INO80C: variants seen among roughly 807,000 people sequenced by gnomAD.
INO80C encodes the protein INO80 complex subunit C.
INO80C carries 17 observed loss-of-function variants against 17.7 expected under a neutral mutation model. The observed-to-expected ratio is 0.96, with a 90% CI of 0.66 to 1.44. The LOEUF is 1.44. Among genes scored for constraint, INO80C ranks in the 40% most tolerant of loss-of-function variants. The probability of loss-of-function intolerance (pLI) is 0.00; values close to 1 mark genes in which losing one functional copy is unlikely to be tolerated. For missense variants in INO80C, 244 were observed against 245.0 expected (o/e 1.00, Z 0.03); for synonymous variants, 96 against 95.8 (o/e 1.00, Z -0.01).
intron 1 of INO80C, among the ~76,000 whole-genome samples, chr18:35,495,399 A>C (rs770486989): frequency 2.6e-5 from 4 of 152,318 alleles, no homozygotes; most frequent in Admixed American, 6.5e-5. Context: ...GGGTGACAGA[A>C]GAAGACCCTG....
At chr18:35,472,447 G>T (rs1428340594) in intron 4 of INO80C, among the ~76,000 whole-genome samples, 1 of 152,096 alleles carries the variant, frequency 6.6e-6, no homozygotes. Context: ...TTTTGATGGG[G>T]TTGTTTTTTT....
rs2045786115 is a variant in INO80C at position 35,479,993 on chromosome 18, A to C, written c.267+460T>G. The stretch of plus-strand genomic sequence containing the variant: ...GTATTTCCAAAACTAATTCATTAAA[A>C]AAAAATTTAACAGTATAATCTGAAC... On this transcript the variant is annotated intron_variant, in intron 2 of 4. Transcript: ENST00000334598. 4.6e-5 allele frequency among the ~76,000 whole-genome samples: 7 copies of C among 152,332 alleles called. No homozygotes were observed. In the South Asian group the frequency reaches 1.4e-3, roughly 32 times the overall value.
chr18:35,491,396 C>T lies in INO80C; in HGVS notation c.156+6323G>A, dbSNP rs116580868. Among the ~76,000 whole-genome samples the T allele has an allele frequency of 5.2e-3, 791 of 152,254 alleles. 5 individuals carry two copies. The highest frequency in any genetic ancestry group is 0.019 in the African/African-American group (771 of 41,540). ...AAGCACTGGTTTTTGAAAGGGACCCCTCCTGCCGGCTTGCTCACTCCATCC... is the reference window on the plus strand; with the variant it reads ...AAGCACTGGTTTTTGAAAGGGACCCTTCCTGCCGGCTTGCTCACTCCATCC... On this transcript the variant is annotated intron_variant, in intron 1 of 4. Coordinates refer to ENST00000334598, the MANE Select transcript of INO80C (RefSeq NM_194281.4).
chr18:35,474,222 T>TATATATATATAC (rs1397128433), intron 4 of INO80C, among the ~76,000 whole-genome samples: 1 of 124,558 alleles, frequency 8.0e-6, no homozygotes, highest in East Asian at 2.1e-4. Context: ...TATATATATA[T>TATATATATATAC]ATATATATAT....
At chr18:35,492,413 G>C (rs2045941208) in intron 1 of INO80C, among the ~76,000 whole-genome samples, 1 of 152,130 alleles carries the variant, frequency 6.6e-6, no homozygotes. Context: ...ATAATGCTAA[G>C]TGAAAAACGG....
intron 1 of INO80C, among the ~76,000 whole-genome samples, chr18:35,481,241 T>C (rs776180892): frequency 1.1e-4 from 17 of 152,142 alleles, no homozygotes; most frequent in Non-Finnish European, 1.9e-4. Flanking sequence ...CTAATATGGT[T>C]TAAAGCAAAA....
chr18:35,473,272 T>C (rs1340566825), intron 4 of INO80C, among the ~76,000 whole-genome samples: 4 of 152,146 alleles, frequency 2.6e-5, no homozygotes, highest in Non-Finnish European at 5.9e-5. Context: ...ACAGGCCAAA[T>C]ACATGAAGTA....
At chr18:35,478,178 G>T in intron 4 of INO80C, 104 bp downstream of exon 4, 1 of 863,030 alleles carries the variant, frequency 1.2e-6, no homozygotes, top group Non-Finnish European at 1.8e-6. Context: ...CTGTAGACAG[G>T]CTCCAGGCAG....
At chr18:35,478,731 C>A (rs562108849) in intron 3 of INO80C, among the ~76,000 whole-genome samples, 1 of 152,188 alleles carries the variant, frequency 6.6e-6, no homozygotes, top group Non-Finnish European at 1.5e-5. Flanking sequence ...CACACCCAGA[C>A]GAATGAATGA....
rs570051933 is a variant in INO80C at position 35,494,298 on chromosome 18, C to T, written c.156+3421G>A. ...GCCCCTGGTGTGCACACAATTTCTC[C>T]GAGTTATTCAAGCAGACACTAATCT... is the stretch of plus-strand genomic sequence containing the variant. On this transcript the variant is annotated intron_variant, in intron 1 of 4. Transcript: ENST00000334598. 4.6e-5 allele frequency among the ~76,000 whole-genome samples: 7 copies of T among 152,242 alleles called. No homozygotes were observed. The South Asian group carries it at 1.5e-3, about 32-fold the overall frequency.
At chr18:35,476,063 T>C (rs2045732261) in intron 4 of INO80C, among the ~76,000 whole-genome samples, 1 of 152,200 alleles carries the variant, frequency 6.6e-6, no homozygotes, top group South Asian at 2.1e-4. Context: ...GAAAATAGAT[T>C]CAGGTTATTT....
chr18:35,497,300 C>CTTG, intron 1 of INO80C: 1 of 973,682 alleles, frequency 1.0e-6, no homozygotes, highest in Non-Finnish European at 1.2e-6. Flanking sequence ...GCATACTTAT[C>CTTG]AATACATCTT....
intron 1 of INO80C, among the ~76,000 whole-genome samples, chr18:35,489,547 C>T (rs1487918053): frequency 1.3e-5 from 2 of 152,092 alleles, no homozygotes; most frequent in East Asian, 1.9e-4. Context: ...TCCCACAACA[C>T]ATGGGAATTA....
At chr18:35,487,213 A>G (rs745363445) in intron 1 of INO80C, among the ~76,000 whole-genome samples, 8 of 152,230 alleles carry the variant, frequency 5.3e-5, no homozygotes, top group Non-Finnish European at 1.0e-4. Flanking sequence ...ATATAACTCA[A>G]ATCTAACCAT....
chr18:35,497,628 C>T lies in INO80C; in HGVS notation c.156+91G>A, dbSNP rs1294372925. 4.0e-6 allele frequency: 6 copies of T among 1,497,312 alleles called. No individual in the cohort carries two copies. The East Asian group carries it at 7.6e-5, about 19-fold the overall frequency. The allele number at this position is 1,497,312 out of a possible 1,614,324, so 92.8% of individuals were successfully genotyped here. On this transcript the variant is annotated intron_variant, in intron 1 of 4. Coordinates refer to ENST00000334598, the MANE Select transcript of INO80C (RefSeq NM_194281.4). ...CCCAACGGAGACCGCACGCGCAGCG[C>T]CCCACATTACGCACGCGCCCTGGCT...
At chr18:35,487,880 G>C (rs541718218) in intron 1 of INO80C, 4 of 152,284 alleles carry the variant, frequency 2.6e-5, no homozygotes, top group African/African-American at 9.6e-5. Flanking sequence ...TACAGGCATT[G>C]GATAAATACA....
chr18:35,477,192 C>T (rs2045747162), intron 4 of INO80C, among the ~76,000 whole-genome samples: 2 of 152,138 alleles, frequency 1.3e-5, no homozygotes, highest in Non-Finnish European at 2.9e-5. Context: ...TGGAGTGAGC[C>T]AAGAGCGTGC....
At chr18:35,485,807 A>C (rs1449762511) in intron 1 of INO80C, among the ~76,000 whole-genome samples, 1 of 152,240 alleles carries the variant, frequency 6.6e-6, no homozygotes, top group African/African-American at 2.4e-5. Flanking sequence ...AACAACCTAA[A>C]TGTCCATCAG....
chr18:35,492,075 T>G (rs2045938566), intron 1 of INO80C, among the ~76,000 whole-genome samples: 1 of 152,220 alleles, frequency 6.6e-6, no homozygotes, highest in African/African-American at 2.4e-5. Flanking sequence ...TGAATCAGAC[T>G]AAAGGATAAT....
Sources: allele counts gnomAD v4.1 joint callset (sites outside exome capture counted in the v4.1 genomes callset), GRCh38; gene constraint gnomAD v4.1.1; transcripts MANE v1.5; gene names NCBI Gene and HGNC (gene_info 2026-07-23, HGNC 2026-07-21).